The following SRSF10 variants were observed in gnomAD, a reference collection of about 807,000 sequenced individuals.
SRSF10 encodes serine and arginine rich splicing factor 10.
Under a neutral mutation model 32.6 loss-of-function variants are expected in SRSF10, and 9 were observed. The observed-to-expected ratio is 0.28, with a 90% confidence interval of 0.17 to 0.48. The LOEUF is 0.48. Among genes scored for constraint, SRSF10 ranks in the 20% least tolerant of loss-of-function variants. The pLI is 0.99. For synonymous variants in SRSF10, 105 were observed against 112.4 expected, an observed-to-expected ratio of 0.93 and a Z score of 0.42; for missense variants, 201 against 331.8, an observed-to-expected ratio of 0.61 and a Z score of 3.06.
intron 3 of SRSF10, among the ~76,000 whole-genome samples, chr1:23,974,466 T>TAC (rs1161293239): frequency 2.0e-5 from 3 of 152,246 alleles, no homozygotes; most frequent in Non-Finnish European, 4.4e-5. Flanking sequence ...TACTTACACT[T>TAC]ACCCCAAAAC....
chr1:23,967,780 T>A lies in SRSF10; in HGVS notation c.*3362A>T. ...GTTTCCTTTATTCTTCTCTGTGGTA[T>A]ACAGGATTTTGTTAGTTGAACTGGA... is the stretch of plus-strand genomic sequence containing the variant. On this transcript the variant is annotated 3_prime_UTR_variant, in exon 6 of 6. Transcript: ENST00000492112. 6.2e-7 allele frequency: 1 copy of A among 1,601,732 alleles called. No individual in the cohort carries two copies. Among genetic ancestry groups the A allele is most frequent in the Non-Finnish European group, 8.5e-7 (1 of 1,173,492 alleles).
At chr1:23,979,791 A>C (rs1321764753) in intron 1 of SRSF10, among the ~76,000 whole-genome samples, 1 of 49,800 alleles carries the variant, frequency 2.0e-5, no homozygotes. Flanking sequence ...TCATCTCACT[A>C]TTTTTTGGCT....
chr1:23,978,977 G>GACATAT (rs1642244992), intron 1 of SRSF10, 160 bp from the exon 2 acceptor site: 1 of 403,096 alleles, frequency 2.5e-6, no homozygotes, highest in Non-Finnish European at 4.3e-6. Flanking sequence ...ATGGTACAAG[G>GACATAT]GAATGACCAC....
rs1452276751 is a variant in SRSF10, at chr1:23,971,962, G to A, written c.325C>T (p.Arg109Cys). The change falls in exon 4 of 6, where the codon CGC (arginine) becomes TGC (cysteine). Residue 109 changes from arginine to cysteine, a missense_variant. Arg to Cys is a radical substitution (Grantham distance 180). Transcript: ENST00000492112. ...CTGTATCTGTCATAATCATCATAGC[G>A]TGAAGAACTGTACACATTCCTCCCT... ...KEGRNVYSSS[R>C]YDDYDRYRRS... The A allele has an allele frequency of 4.4e-5, 70 of 1,582,312 alleles. No homozygotes were observed. The highest frequency in any genetic ancestry group is 1.7e-4 in the Middle Eastern group (1 of 5,888).
intron 3 of SRSF10, among the ~76,000 whole-genome samples, chr1:23,972,366 G>A (rs935941861): frequency 1.3e-5 from 2 of 151,554 alleles, no homozygotes; most frequent in African/African-American, 2.4e-5. Context: ...TCACACCACC[G>A]CACGCCAGCC....
chr1:23,965,317 C>CA lies in SRSF10; in HGVS notation c.*5824dup, dbSNP rs1641399512. The CA allele has an allele frequency of 1.3e-5, 2 of 151,902 alleles. No homozygotes were observed. Among genetic ancestry groups the CA allele is most frequent in the African/African-American group, 4.8e-5 (2 of 41,420 alleles). 9.4% of individuals were successfully genotyped at this position (151,902 alleles called of 1,614,324 possible). ...TAGGTTTTGTAAACAGGAACATGGTCAAAATGCAATACAATGGAAAATCTC... is the reference window on the plus strand; with the variant it reads ...TAGGTTTTGTAAACAGGAACATGGTCAAAAATGCAATACAATGGAAAATCTC... On this transcript the variant is annotated 3_prime_UTR_variant, in exon 6 of 6. Transcript: ENST00000492112.
intron 3 of SRSF10, among the ~76,000 whole-genome samples, chr1:23,972,803 G>A (rs1313071513): frequency 2.7e-5 from 4 of 149,012 alleles, no homozygotes; most frequent in African/African-American, 5.0e-5. Flanking sequence ...GTGCGATGGC[G>A]CAATCTCGGC....
chr1:23,975,571 C>T (rs1327766897), intron 2 of SRSF10: 3 of 152,492 alleles, frequency 2.0e-5, no homozygotes, highest in Non-Finnish European at 2.9e-5. Context: ...AAAGCATTAA[C>T]TTCAAATTTA....
At chr1:23,979,918 C>A (rs1301837776) in intron 1 of SRSF10, among the ~76,000 whole-genome samples, 2 of 151,802 alleles carry the variant, frequency 1.3e-5, no homozygotes, top group Non-Finnish European at 2.9e-5. Context: ...GCTGCTCGCG[C>A]CGGCAGGAAG....
intron 5 of SRSF10, 33 bp downstream of exon 5, chr1:23,971,540 T>C (rs1641752049): frequency 1.4e-5 from 23 of 1,600,298 alleles, no homozygotes; most frequent in Admixed American, 3.5e-5. Flanking sequence ...AATTAAAAAA[T>C]ACATGAGTCT....
At chr1:23,972,087 A>C in intron 3 of SRSF10, 75 bp from the exon 4 acceptor site, 1 of 1,298,704 alleles carries the variant, frequency 7.7e-7, no homozygotes, top group South Asian at 1.9e-5. Flanking sequence ...TAGGGAAAAA[A>C]ATCCCTGCAT....
intron 1 of SRSF10, among the ~76,000 whole-genome samples, 161 bp downstream of exon 1, chr1:23,980,030 G>A (rs1389274661): frequency 6.6e-6 from 1 of 152,230 alleles, no homozygotes; most frequent in African/African-American, 2.4e-5. Context: ...CCCACGCGGC[G>A]GCTGAGGCCC....
rs1641405688 is a variant in SRSF10, at chr1:23,965,435, CAT to C, written c.*5705_*5706del. The C allele has an allele frequency of 6.6e-6, 1 of 151,980 alleles. No individual in the cohort carries two copies. The highest frequency in any genetic ancestry group is 6.6e-5 in the Admixed American group (1 of 15,264). The allele number at this position is 151,980 out of a possible 1,614,324, so 9.4% of individuals were successfully genotyped here. A position where few individuals can be genotyped will look rare whatever the true frequency, so the allele number is the denominator to read the frequency against. On this transcript the variant is annotated 3_prime_UTR_variant, in exon 6 of 6. Transcript: ENST00000492112. ...GTACGTTTAATCTCTCATCCAGGAACATTATCCATTTACCTTGTAAGGTTGTG... is the reference window on the plus strand; with the variant it reads ...GTACGTTTAATCTCTCATCCAGGAACTATCCATTTACCTTGTAAGGTTGTG...
Position 23,967,796 on chromosome 1 carries a change from T to C in SRSF10, c.*3346A>G. The stretch of plus-strand genomic sequence containing the variant: ...TCTGTGGTATACAGGATTTTGTTAG[T>C]TGAACTGGATGTAGCAGCTTACTGG... On this transcript the variant is annotated 3_prime_UTR_variant, in exon 6 of 6. Coordinates refer to ENST00000492112, the MANE Select transcript of SRSF10 (RefSeq NM_054016.4). 1 of 1,591,588 alleles carries C rather than the reference T, an allele frequency of 6.3e-7. No homozygotes were observed. Among genetic ancestry groups the C allele is most frequent in the Non-Finnish European group, 8.6e-7 (1 of 1,167,130 alleles).
chr1:23,973,101 G>C (rs920074258), intron 3 of SRSF10, among the ~76,000 whole-genome samples: 1 of 152,194 alleles, frequency 6.6e-6, no homozygotes, highest in Non-Finnish European at 1.5e-5. Flanking sequence ...GATGCAGAAC[G>C]TGATTTAGCC....
At chr1:23,974,276 CTCT>C (rs1357018698) in intron 3 of SRSF10, among the ~76,000 whole-genome samples, 1 of 152,106 alleles carries the variant, frequency 6.6e-6, no homozygotes, top group African/African-American at 2.4e-5. Context: ...TTATTTTAAT[CTCT>C]TAATTAGTAT....
In SRSF10 at chr1:23,966,262, T is replaced by A. The variant is rs1641445514; in HGVS notation, c.*4880A>T. 1 of 151,880 alleles carries A rather than the reference T, an allele frequency of 6.6e-6. No homozygotes were observed. Among genetic ancestry groups the A allele is most frequent in the African/African-American group, 2.4e-5 (1 of 41,412 alleles). The allele number at this position is 151,880 out of a possible 1,614,324, so 9.4% of individuals were successfully genotyped here. A position where few individuals can be genotyped will look rare whatever the true frequency, so the allele number is the denominator to read the frequency against. ...TTCACACCTCCCTTGAAAATATACC[T>A]CTGCTATATTTTCAAAATTGCTACA... On this transcript the variant is annotated 3_prime_UTR_variant, in exon 6 of 6. Coordinates refer to ENST00000492112, the MANE Select transcript of SRSF10 (RefSeq NM_054016.4).
rs1570783044 is a variant in SRSF10 at position 23,975,128 on chromosome 1, G to A, written c.171-51C>T. 18 of 1,396,784 alleles carry A rather than the reference G, an allele frequency of 1.3e-5. No homozygotes were observed. In the East Asian group the frequency reaches 2.3e-4, roughly 18 times the overall value. 86.5% of individuals were successfully genotyped at this position (1,396,784 alleles called of 1,614,324 possible). A position where few individuals can be genotyped will look rare whatever the true frequency, so the allele number is the denominator to read the frequency against. On this transcript the variant is annotated intron_variant, in intron 2 of 5. Transcript: ENST00000492112. ...AGTTTTGCAAACTTTGATAATGAAT[G>A]AAAGTTCAGTTGGTATGTCTGGAAC...
At chr1:23,978,892 G>A in intron 1 of SRSF10, 75 bp from the exon 2 acceptor site, 3 of 1,328,314 alleles carry the variant, frequency 2.3e-6, no homozygotes, top group Non-Finnish European at 3.1e-6. Flanking sequence ...TCTTTTTGAT[G>A]AAGGAAAGCT....
Sources: gnomAD v4.1 joint callset for allele counts (sites outside exome capture counted in the v4.1 genomes callset) on GRCh38, gnomAD v4.1.1 for gene constraint, MANE v1.5 for transcripts, NCBI Gene and HGNC (gene_info 2026-07-23, HGNC 2026-07-21) for gene names.